RAB22A: variants seen among roughly 807,000 people sequenced by gnomAD.
RAB22A encodes the protein ras-related protein Rab-22A.
A neutral mutation model predicts 30.2 loss-of-function variants in RAB22A; 13 were observed. The ratio of observed to expected loss-of-function variants is 0.43; its 90% confidence interval spans 0.28 to 0.68. The LOEUF is 0.68. Among genes scored for constraint, RAB22A ranks in the 30% least tolerant of loss-of-function variants. RAB22A has a pLI of 0.18. For missense variants in RAB22A, 177 were observed against 246.8 expected, an observed-to-expected ratio of 0.72 and a Z score of 1.89; for synonymous variants, 89 against 87.2, an observed-to-expected ratio of 1.02 and a Z score of -0.11.
chr20:58,322,876 A>T (rs1177917501), intron 2 of RAB22A, among the ~76,000 whole-genome samples: 1 of 151,884 alleles, frequency 6.6e-6, no homozygotes, highest in Non-Finnish European at 1.5e-5. Context: ...ATTTTTTTTC[A>T]TACTAAGTCT....
rs537737929 is a variant in RAB22A at position 58,344,610 on chromosome 20, A to G, written c.198+811A>G. ...CCGTTTAATTTTGTTTTCAAACAGT[A>G]CGATCCAAACAGCACATCTGATAGA... On this transcript the variant is annotated intron_variant, in intron 3 of 6. Coordinates refer to ENST00000244040, the MANE Select transcript of RAB22A (RefSeq NM_020673.3). Among the ~76,000 whole-genome samples, 4 of 152,334 alleles carry G rather than the reference A, an allele frequency of 2.6e-5. No homozygotes were observed. In the East Asian group the frequency reaches 5.8e-4, roughly 22 times the overall value.
Position 58,309,878 on chromosome 20 carries a change from C to G in RAB22A, c.-99C>G, listed in dbSNP as rs1372457331. On this transcript the variant is annotated 5_prime_UTR_variant, in exon 1 of 7. Coordinates refer to ENST00000244040, the MANE Select transcript of RAB22A (RefSeq NM_020673.3). ...GCCTCTGCGCGGACCGGGGCTGGGC[C>G]GTGCGGCGGCAGCGGCGCCAGGGGA... 32 of 1,154,768 alleles carry G rather than the reference C, an allele frequency of 2.8e-5. No individual in the cohort carries two copies. Among genetic ancestry groups the G allele is most frequent in the Non-Finnish European group, 3.5e-5 (32 of 905,742 alleles). 71.5% of individuals were successfully genotyped at this position (1,154,768 alleles called of 1,614,324 possible). A position where few individuals can be genotyped will look rare whatever the true frequency, so the allele number is the denominator to read the frequency against.
At chr20:58,317,215 A>AG in intron 2 of RAB22A, among the ~76,000 whole-genome samples, 1 of 150,750 alleles carries the variant, frequency 6.6e-6, no homozygotes, top group African/African-American at 2.4e-5. Flanking sequence ...TCCTGTTTCG[A>AG]CCTCCCGAGT....
Position 58,359,620 on chromosome 20 carries a change from T to C in RAB22A, c.502T>C (p.Ser168Pro). 1 of 1,607,470 alleles carries C rather than the reference T, an allele frequency of 6.2e-7. No homozygotes were observed. The highest frequency in any genetic ancestry group is 8.5e-7 in the Non-Finnish European group (1 of 1,175,076). ...TCTTGGTTTAGGTCGAAGAATTCCA[T>C]CCACTGACGCCAACCTGCCATCTGG... is the stretch of plus-strand genomic sequence containing the variant. ...LFIEISRRIP[S>P]TDANLPSGGK... The change falls in exon 7 of 7, where the codon TCC becomes CCC. Residue 168 changes from serine (S) to proline (P), a missense_variant. By Grantham distance (74) the Ser-to-Pro change is moderately conservative. Transcript: ENST00000244040.
chr20:58,317,915 G>A (rs1986376238), intron 2 of RAB22A, among the ~76,000 whole-genome samples: 1 of 151,920 alleles, frequency 6.6e-6, no homozygotes, highest in Non-Finnish European at 1.5e-5. Flanking sequence ...CCAGGCTGAG[G>A]GACACTTTGA....
At chr20:58,318,457 GC>G (rs1986387272) in intron 2 of RAB22A, among the ~76,000 whole-genome samples, 1 of 152,140 alleles carries the variant, frequency 6.6e-6, no homozygotes, top group South Asian at 2.1e-4. Context: ...CACAGGAAAT[GC>G]CCATTGGAGT....
At chr20:58,353,581 CCTTTT>C (rs1987087626) in intron 5 of RAB22A, 43 bp downstream of exon 5, 3 of 1,420,020 alleles carry the variant, frequency 2.1e-6, no homozygotes, top group Non-Finnish European at 3.0e-6. Flanking sequence ...ATTATGTGTT[CCTTTT>C]CTTAATAAGC....
intron 3 of RAB22A, among the ~76,000 whole-genome samples, chr20:58,344,346 A>T (rs1040775911): frequency 6.6e-6 from 1 of 152,336 alleles, no homozygotes; most frequent in East Asian, 1.9e-4. Flanking sequence ...GGGCCTGAAC[A>T]TGGCAGCATG....
intron 2 of RAB22A, among the ~76,000 whole-genome samples, chr20:58,337,774 T>C (rs1399132352): frequency 5.3e-5 from 8 of 152,122 alleles, no homozygotes; most frequent in Non-Finnish European, 1.0e-4. Flanking sequence ...TAACTGCACC[T>C]CTCACCAGCC....
intron 2 of RAB22A, among the ~76,000 whole-genome samples, chr20:58,316,307 T>C (rs1043183173): frequency 6.6e-6 from 1 of 152,116 alleles, no homozygotes; most frequent in African/African-American, 2.4e-5. Flanking sequence ...AGGGACACTT[T>C]GCTTCGGTCT....
intron 3 of RAB22A, among the ~76,000 whole-genome samples, chr20:58,350,681 G>T (rs1394504592): frequency 6.6e-6 from 1 of 152,150 alleles, no homozygotes. Context: ...GCCAAAATTA[G>T]TTTTCAAATA....
chr20:58,310,041 G>T lies in RAB22A; in HGVS notation c.36+29G>T, dbSNP rs977832450. The T allele has an allele frequency of 7.1e-6, 9 of 1,263,574 alleles. No individual in the cohort carries two copies. In the African/African-American group the frequency reaches 1.2e-4, roughly 17 times the overall value. The allele number at this position is 1,263,574 out of a possible 1,614,324, so 78.3% of individuals were successfully genotyped here. A position where few individuals can be genotyped will look rare whatever the true frequency, so the allele number is the denominator to read the frequency against. ...AGTGGCGGCGGGTCCGGCCGGGAGGGCCACGGGAGGCTGGGCTGGCGGGGA... is the reference window on the plus strand; with the variant it reads ...AGTGGCGGCGGGTCCGGCCGGGAGGTCCACGGGAGGCTGGGCTGGCGGGGA... On this transcript the variant is annotated intron_variant, in intron 1 of 6. Transcript: ENST00000244040.
chr20:58,328,001 GGAAT>G (rs1454225354), intron 2 of RAB22A, among the ~76,000 whole-genome samples: 1 of 152,150 alleles, frequency 6.6e-6, no homozygotes, highest in Admixed American at 6.5e-5. Flanking sequence ...TGGGTTCTGA[GGAAT>G]AGATGGTAGT....
intron 2 of RAB22A, among the ~76,000 whole-genome samples, chr20:58,340,246 A>G (rs553118551): frequency 1.3e-5 from 2 of 152,290 alleles, no homozygotes; most frequent in East Asian, 1.9e-4. Context: ...AGAGAGGGAC[A>G]CAGTGACTTT....
At chr20:58,343,482 AG>A in intron 2 of RAB22A, among the ~76,000 whole-genome samples, 1 of 152,080 alleles carries the variant, frequency 6.6e-6, no homozygotes, top group Admixed American at 6.6e-5. Context: ...TCTTTTGATA[AG>A]GAGCTTAGAA....
chr20:58,332,905 T>A (rs1986686231), intron 2 of RAB22A, among the ~76,000 whole-genome samples: 1 of 152,028 alleles, frequency 6.6e-6, no homozygotes, highest in East Asian at 1.9e-4. Flanking sequence ...AGGACAGTGA[T>A]AATAATTATC....
At chr20:58,338,915 T>C (rs1986808880) in intron 2 of RAB22A, among the ~76,000 whole-genome samples, 1 of 152,212 alleles carries the variant, frequency 6.6e-6, no homozygotes, top group African/African-American at 2.4e-5. Flanking sequence ...AATTGTAAAA[T>C]GTGCTGGATT....
intron 2 of RAB22A, among the ~76,000 whole-genome samples, chr20:58,321,806 A>G (rs1374146568): frequency 6.6e-6 from 1 of 152,158 alleles, no homozygotes; most frequent in Non-Finnish European, 1.5e-5. Context: ...TCTGTGTTAT[A>G]TATACATAAA....
At chr20:58,356,839 G>A (rs772667836) in intron 6 of RAB22A, among the ~76,000 whole-genome samples, 17 of 152,172 alleles carry the variant, frequency 1.1e-4, no homozygotes, top group South Asian at 4.1e-4. Flanking sequence ...TGGTTTGTGC[G>A]TGTGAGTGTC....
Sources: allele counts gnomAD v4.1 joint callset (sites outside exome capture counted in the v4.1 genomes callset), GRCh38; gene constraint gnomAD v4.1.1; transcripts MANE v1.5; gene names NCBI Gene and HGNC (gene_info 2026-07-23, HGNC 2026-07-21).